The following CACNA2D3 variants were observed in gnomAD, a reference collection of about 807,000 sequenced individuals.
CACNA2D3 encodes the protein voltage-dependent calcium channel subunit alpha-2/delta-3.
In CACNA2D3, 60 loss-of-function variants were observed where a neutral mutation model predicts 160.6. That is an observed-to-expected ratio of 0.37 (90% CI 0.30 to 0.46). The LOEUF (loss-of-function observed/expected upper bound fraction) is 0.46. Ranked by LOEUF, CACNA2D3 falls within the 20% of genes least tolerant of loss-of-function variation. The pLI is 1.00. For synonymous variants in CACNA2D3, 558 were observed against 492.9 expected (o/e 1.13, Z -1.75); for missense variants, 1,205 against 1,365.0 (o/e 0.88, Z 1.85).
At chr3:54,144,557 C>G (rs996655758) in intron 2 of CACNA2D3, among the ~76,000 whole-genome samples, 9 of 152,224 alleles carry the variant, frequency 5.9e-5, no homozygotes, top group Admixed American at 2.6e-4. Flanking sequence ...GGAGACCAGA[C>G]AGATTTGGTT....
intron 2 of CACNA2D3, among the ~76,000 whole-genome samples, chr3:54,304,764 A>C (rs147264982): frequency 3.9e-5 from 6 of 151,976 alleles, no homozygotes; most frequent in Non-Finnish European, 7.4e-5. Context: ...TTACTTTTCT[A>C]TTTTTCTCCA....
intron 2 of CACNA2D3, among the ~76,000 whole-genome samples, chr3:54,155,506 C>T (rs757930361): frequency 2.0e-5 from 3 of 152,092 alleles, no homozygotes; most frequent in East Asian, 3.8e-4. Context: ...CTAGGTCTCA[C>T]GGGAAGGGAC....
chr3:54,352,909 G>A (rs1333239567), intron 3 of CACNA2D3, among the ~76,000 whole-genome samples: 9 of 151,778 alleles, frequency 5.9e-5, no homozygotes, highest in Non-Finnish European at 1.3e-4. Context: ...ATATTTATGC[G>A]GCACATGAGA....
At chr3:54,191,292 G>T (rs1231447933) in intron 2 of CACNA2D3, among the ~76,000 whole-genome samples, 1 of 152,118 alleles carries the variant, frequency 6.6e-6, no homozygotes, top group African/African-American at 2.4e-5. Flanking sequence ...ATCTTCAGTG[G>T]TTTTTTGTGA....
At chr3:54,294,759 T>G (rs934609295) in intron 2 of CACNA2D3, among the ~76,000 whole-genome samples, 1 of 152,186 alleles carries the variant, frequency 6.6e-6, no homozygotes, top group Non-Finnish European at 1.5e-5. Context: ...AATAAAGAGA[T>G]AGAGCTGGAG....
chr3:54,423,389 C>T (rs1699866776), intron 4 of CACNA2D3, among the ~76,000 whole-genome samples: 1 of 152,112 alleles, frequency 6.6e-6, no homozygotes, highest in Non-Finnish European at 1.5e-5. Flanking sequence ...TAATTTAAGC[C>T]TCAGGATCCT....
At chr3:54,401,745 A>G (rs1481915413) in intron 4 of CACNA2D3, among the ~76,000 whole-genome samples, 1 of 152,204 alleles carries the variant, frequency 6.6e-6, no homozygotes, top group Non-Finnish European at 1.5e-5. Context: ...CTTAGAAGAA[A>G]TACTTAAGAG....
At chr3:54,485,068 A>G (rs1169213471) in intron 4 of CACNA2D3, among the ~76,000 whole-genome samples, 2 of 151,890 alleles carry the variant, frequency 1.3e-5, no homozygotes, top group Admixed American at 1.3e-4. Flanking sequence ...GCTGGTCTCG[A>G]TCTCCTGACC....
chr3:54,146,640 A>T (rs1021029497), intron 2 of CACNA2D3, among the ~76,000 whole-genome samples: 5 of 152,192 alleles, frequency 3.3e-5, no homozygotes, highest in African/African-American at 1.2e-4. Context: ...AGCTCCACAG[A>T]GTTCTCCACA....
intron 35 of CACNA2D3, among the ~76,000 whole-genome samples, chr3:55,029,284 A>T (rs925144042): frequency 3.3e-5 from 5 of 152,322 alleles, no homozygotes; most frequent in Admixed American, 2.6e-4. Context: ...TTAACACATT[A>T]TTTAAATGCC....
chr3:54,306,251 C>T (rs1391626555), intron 2 of CACNA2D3, among the ~76,000 whole-genome samples: 1 of 151,766 alleles, frequency 6.6e-6, no homozygotes, highest in African/African-American at 2.4e-5. Context: ...ATGAATTGAT[C>T]AATTTCCTTA....
At chr3:54,712,492 A>T (rs766174365) in intron 11 of CACNA2D3, among the ~76,000 whole-genome samples, 15 of 152,020 alleles carry the variant, frequency 9.9e-5, no homozygotes, top group Non-Finnish European at 2.1e-4. Context: ...GTCTCTCGAG[A>T]TCTGATGGTT....
At chr3:54,808,045 G>T (rs562668391) in intron 13 of CACNA2D3, among the ~76,000 whole-genome samples, 1 of 122,652 alleles carries the variant, frequency 8.2e-6, no homozygotes, top group African/African-American at 3.1e-5. Flanking sequence ...TCACACTCTG[G>T]GGCCTGTTGT....
chr3:54,409,590 G>A (rs562271753), intron 4 of CACNA2D3, among the ~76,000 whole-genome samples: 210 of 152,330 alleles, frequency 1.4e-3, no homozygotes, highest in Admixed American at 2.9e-3. Flanking sequence ...GAGATGGGCC[G>A]AAAGCTAGGC....
chr3:54,123,619 G>A, intron 2 of CACNA2D3, 25 bp downstream of exon 2: 2 of 1,592,016 alleles, frequency 1.3e-6, no homozygotes, highest in African/African-American at 1.3e-5. Context: ...GTGGCAGGAA[G>A]CGATGATTTT....
chr3:54,256,947 C>T (rs1702309348), intron 2 of CACNA2D3, among the ~76,000 whole-genome samples: 1 of 152,182 alleles, frequency 6.6e-6, no homozygotes, highest in Non-Finnish European at 1.5e-5. Flanking sequence ...AGTGCTGGCA[C>T]TTTATAAATC....
intron 11 of CACNA2D3, among the ~76,000 whole-genome samples, chr3:54,649,084 C>G (rs1373114444): frequency 6.6e-6 from 1 of 152,182 alleles, no homozygotes; most frequent in Non-Finnish European, 1.5e-5. Flanking sequence ...GGCTGGGAGA[C>G]TTGATGCCGA....
chr3:54,727,910 A>T (rs954159443), intron 11 of CACNA2D3, among the ~76,000 whole-genome samples: 7 of 152,298 alleles, frequency 4.6e-5, no homozygotes, highest in Middle Eastern at 3.4e-3. Context: ...AGTATATATT[A>T]AAAAAAGATA....
intron 11 of CACNA2D3, among the ~76,000 whole-genome samples, chr3:54,744,430 G>A (rs1290439414): frequency 3.3e-5 from 5 of 152,210 alleles, no homozygotes; most frequent in Admixed American, 1.3e-4. Context: ...GAAATTGTGA[G>A]TGTATAGACT....
Sources: gnomAD v4.1 joint callset for allele counts (sites outside exome capture counted in the v4.1 genomes callset) on GRCh38, gnomAD v4.1.1 for gene constraint, MANE v1.5 for transcripts, NCBI Gene and HGNC (gene_info 2026-07-23, HGNC 2026-07-21) for gene names.